RALGAPA2: variants seen among roughly 807,000 people sequenced by gnomAD.
The protein encoded by RALGAPA2 is ral GTPase-activating protein subunit alpha-2.
RALGAPA2 carries 139 observed loss-of-function variants against 230.4 expected under a neutral mutation model. The observed-to-expected ratio is 0.60, with a 90% confidence interval of 0.53 to 0.69. The LOEUF is 0.69. Ranked by LOEUF, RALGAPA2 falls within the 30% of genes least tolerant of loss-of-function variation. The pLI is 0.00. For missense variants in RALGAPA2, 2,163 were observed against 2,276.0 expected (o/e 0.95, Z 1.01); for synonymous variants, 847 against 837.8 (o/e 1.01, Z -0.19).
chr20:20,661,284 G>A (rs1020044776), intron 3 of RALGAPA2, among the ~76,000 whole-genome samples: 7 of 152,086 alleles, frequency 4.6e-5, no homozygotes, highest in Admixed American at 4.6e-4. Flanking sequence ...TCAGCCTCCT[G>A]AGTAGCTGGG....
intron 9 of RALGAPA2, 77 bp downstream of exon 9, chr20:20,635,341 A>G (rs754791746): frequency 2.5e-5 from 36 of 1,419,358 alleles, no homozygotes; most frequent in Non-Finnish European, 3.4e-5. Context: ...TAACTCTAAC[A>G]ATCAATAACT....
chr20:20,556,746 T>G (rs1446611899), intron 23 of RALGAPA2, among the ~76,000 whole-genome samples: 2 of 152,020 alleles, frequency 1.3e-5, no homozygotes, highest in Non-Finnish European at 2.9e-5. Flanking sequence ...GGTACAGAAC[T>G]CCAAAAGAAA....
At chr20:20,483,229 A>G (rs1424423418) in intron 36 of RALGAPA2, among the ~76,000 whole-genome samples, 25 of 152,242 alleles carry the variant, frequency 1.6e-4, no homozygotes, top group Non-Finnish European at 5.9e-5. Flanking sequence ...CCATCAAAGA[A>G]TGATGGAAAG....
Position 20,537,648 on chromosome 20 carries a change from C to G in RALGAPA2, c.3286-864G>C, listed in dbSNP as rs560103945. On this transcript the variant is annotated intron_variant, in intron 24 of 39. Transcript: ENST00000202677. ...AAAAAAAAAAAAAAAAAAGGCATTT[C>G]ACTAGATTTCAACTCAGCCAACACT... Among the ~76,000 whole-genome samples the G allele has an allele frequency of 2.7e-5, 4 of 147,676 alleles. No homozygotes were observed. In the East Asian group the frequency reaches 8.0e-4, roughly 29 times the overall value.
chr20:20,569,158 G>A (rs1199911045), intron 23 of RALGAPA2, among the ~76,000 whole-genome samples: 1 of 152,060 alleles, frequency 6.6e-6, no homozygotes, highest in African/African-American at 2.4e-5. Context: ...CTATTTAGAC[G>A]TGTGGATCAA....
chr20:20,535,659 A>C lies in RALGAPA2; in HGVS notation c.3473+86T>G, dbSNP rs556983947. 1.3e-5 allele frequency: 19 copies of C among 1,475,154 alleles called. No individual in the cohort carries two copies. The East Asian group carries it at 4.8e-4, about 37-fold the overall frequency. 91.4% of individuals were successfully genotyped at this position (1,475,154 alleles called of 1,614,324 possible). ...TGTATAAGAGCTATGTGAAAGAATAAGTGTTTTCTTTTGTAACATTAACTA... is the reference window on the plus strand; with the variant it reads ...TGTATAAGAGCTATGTGAAAGAATACGTGTTTTCTTTTGTAACATTAACTA... On this transcript the variant is annotated intron_variant, in intron 26 of 39. Coordinates refer to ENST00000202677, the MANE Select transcript of RALGAPA2 (RefSeq NM_020343.4).
chr20:20,604,267 G>A, intron 15 of RALGAPA2, among the ~76,000 whole-genome samples: 1 of 152,164 alleles, frequency 6.6e-6, no homozygotes, highest in East Asian at 1.9e-4. Context: ...CAAGGACCAT[G>A]CCACATCCTT....
intron 36 of RALGAPA2, among the ~76,000 whole-genome samples, chr20:20,473,872 T>C (rs374905433): frequency 6.6e-6 from 1 of 152,342 alleles, no homozygotes; most frequent in East Asian, 1.9e-4. Flanking sequence ...CATTCACTTA[T>C]TACTCCCCTA....
chr20:20,444,288 C>T (rs1205381230), intron 37 of RALGAPA2, among the ~76,000 whole-genome samples: 2 of 152,106 alleles, frequency 1.3e-5, no homozygotes, highest in African/African-American at 2.4e-5. Context: ...TATTTTAATA[C>T]AAAAATGTTG....
chr20:20,668,202 A>G (rs2068020458), intron 3 of RALGAPA2, among the ~76,000 whole-genome samples: 1 of 152,206 alleles, frequency 6.6e-6, no homozygotes, highest in Non-Finnish European at 1.5e-5. Context: ...CAGGAGTTTG[A>G]GACCAGCCTG....
chr20:20,582,910 C>T, intron 20 of RALGAPA2, 140 bp downstream of exon 20: 1 of 831,136 alleles, frequency 1.2e-6, no homozygotes, highest in South Asian at 2.0e-5. Flanking sequence ...ATCACTTCCT[C>T]CTATGGTGGA....
intron 27 of RALGAPA2, among the ~76,000 whole-genome samples, chr20:20,529,869 C>T (rs766146087): frequency 1.3e-3 from 193 of 152,154 alleles, no homozygotes; most frequent in Non-Finnish European, 1.9e-3. Flanking sequence ...TCTAACACAC[C>T]GAGTTATTCA....
At chr20:20,676,318 T>C (rs1476516530) in intron 2 of RALGAPA2, 30 bp from the exon 3 acceptor site, 1 of 1,461,440 alleles carries the variant, frequency 6.8e-7, no homozygotes. Context: ...TTAGTTATCA[T>C]GACATCATTT....
chr20:20,606,383 A>C (rs1399317460), intron 14 of RALGAPA2, among the ~76,000 whole-genome samples: 2 of 152,116 alleles, frequency 1.3e-5, no homozygotes, highest in Non-Finnish European at 2.9e-5. Flanking sequence ...TTCCTGATCT[A>C]TCTACCTAGG....
rs138916961 is a variant in RALGAPA2 at position 20,631,132 on chromosome 20, A to G, written c.1006-1542T>C. ...CAGTTAACAATTCCCATCTCTTGAA[A>G]CATTTCACTCTTGGAGCCCTGAGTA... is the stretch of plus-strand genomic sequence containing the variant. On this transcript the variant is annotated intron_variant, in intron 9 of 39. Transcript: ENST00000202677. 2.4e-3 allele frequency among the ~76,000 whole-genome samples: 367 copies of G among 152,270 alleles called. 1 individual carries two copies. The highest frequency in any genetic ancestry group is 8.3e-3 in the African/African-American group (344 of 41,544).
chr20:20,589,911 A>C (rs1288170879), intron 17 of RALGAPA2, among the ~76,000 whole-genome samples: 1 of 151,998 alleles, frequency 6.6e-6, no homozygotes, highest in Admixed American at 6.5e-5. Context: ...TTTCTACAAA[A>C]ACATAATTTA....
chr20:20,512,760 G>GT lies in RALGAPA2; in HGVS notation c.4608dup (p.Pro1537ThrfsTer8). 6.2e-7 allele frequency: 1 copy of GT among 1,613,786 alleles called. No individual in the cohort carries two copies. Among genetic ancestry groups the GT allele is most frequent in the South Asian group, 1.1e-5 (1 of 91,078 alleles). ...GGTTCATTTAGATTTAGCTGTGACG[G>GT]TAAAAGGCATTCAGGACTTGTATGG... On this transcript the variant is annotated frameshift_variant, in exon 32 of 40. Transcript: ENST00000202677. LOFTEE classifies it high-confidence loss of function.
At position 20,701,561 on chromosome 20, in the gene RALGAPA2, A is replaced by G. The variant is rs2069363820; in HGVS notation, c.106+10814T>C. Among the ~76,000 whole-genome samples, 11 of 152,100 alleles carry G rather than the reference A, an allele frequency of 7.2e-5. No homozygotes were observed. In the South Asian group the frequency reaches 1.9e-3, roughly 26 times the overall value. Reference sequence around the variant, plus strand: ...AGAAGAGCCTGGCCAACATGGTGAAACCCCATCTCTACTAGTAATACAAAA... The same window carrying G: ...AGAAGAGCCTGGCCAACATGGTGAAGCCCCATCTCTACTAGTAATACAAAA... On this transcript the variant is annotated intron_variant, in intron 1 of 39. Transcript: ENST00000202677.
chr20:20,540,755 C>T (rs1284915556), intron 24 of RALGAPA2, among the ~76,000 whole-genome samples: 3 of 151,500 alleles, frequency 2.0e-5, no homozygotes, highest in Non-Finnish European at 4.4e-5. Flanking sequence ...TCTTTTTTTC[C>T]AGCTTTACTA....
Sources: allele counts gnomAD v4.1 joint callset (sites outside exome capture counted in the v4.1 genomes callset), GRCh38; gene constraint gnomAD v4.1.1; transcripts MANE v1.5; gene names NCBI Gene and HGNC (gene_info 2026-07-23, HGNC 2026-07-21).